ARHGAP26: variants seen among roughly 807,000 people sequenced by gnomAD.
ARHGAP26 encodes the protein rho GTPase-activating protein 26.
Under a neutral mutation model 104.8 loss-of-function variants are expected in ARHGAP26, and 38 were observed. The observed-to-expected ratio is 0.36, with a 90% CI of 0.28 to 0.48. ARHGAP26 has a LOEUF of 0.48. Ranked by LOEUF, ARHGAP26 falls within the 20% of genes least tolerant of loss-of-function variation. The probability of loss-of-function intolerance (pLI) is 0.99; values close to 1 mark genes in which losing one functional copy is unlikely to be tolerated. For missense variants in ARHGAP26, 704 were observed against 947.9 expected (o/e 0.74, Z 3.38); for synonymous variants, 341 against 340.0 (o/e 1.00, Z -0.03).
At chr5:142,948,292 C>G (rs893436737) in intron 11 of ARHGAP26, among the ~76,000 whole-genome samples, 2 of 151,998 alleles carry the variant, frequency 1.3e-5, no homozygotes, top group Non-Finnish European at 2.9e-5. Flanking sequence ...AACACTGTCT[C>G]TAGCACCAGC....
At chr5:143,151,594 T>C (rs1799850244) in intron 20 of ARHGAP26, among the ~76,000 whole-genome samples, 1 of 152,324 alleles carries the variant, frequency 6.6e-6, no homozygotes, top group Admixed American at 6.5e-5. Flanking sequence ...TATTCAATGA[T>C]TTTAAAAAGT....
rs1426538345 is a variant in ARHGAP26 at position 143,121,032 on chromosome 5, T to C, written c.1583T>C (p.Leu528Pro). Residue 528 changes from leucine (L) to proline (P), a missense_variant, in exon 18 of 23, where the codon CTT becomes CCT. By Grantham distance (98) the Leu-to-Pro change is moderately conservative. Coordinates refer to ENST00000645722, the MANE Select transcript of ARHGAP26 (RefSeq NM_001135608.3). ...HKQNLMTVAN[L>P]GVVFGPTLLR... The stretch of plus-strand genomic sequence containing the variant: ...CAGAATTTGATGACGGTGGCAAACC[T>C]TGGTGTGGTGTTTGGACCCACTCTG... 1 of 1,613,710 alleles carries C rather than the reference T, an allele frequency of 6.2e-7. No individual in the cohort carries two copies. Among genetic ancestry groups the C allele is most frequent in the Admixed American group, 1.7e-5 (1 of 60,002 alleles).
intron 14 of ARHGAP26, among the ~76,000 whole-genome samples, chr5:143,053,700 C>A (rs892168906): frequency 2.0e-5 from 3 of 152,176 alleles, no homozygotes; most frequent in Admixed American, 2.0e-4. Context: ...GTTCTCATTG[C>A]ACATTTGAGC....
At chr5:143,209,869 A>G (rs943341131) in intron 21 of ARHGAP26, among the ~76,000 whole-genome samples, 15 of 152,058 alleles carry the variant, frequency 9.9e-5, no homozygotes, top group African/African-American at 3.6e-4. Flanking sequence ...GAGCTAGCCC[A>G]TCAGAGGAAC....
At chr5:142,839,131 A>G (rs1770213646) in intron 1 of ARHGAP26, among the ~76,000 whole-genome samples, 1 of 152,246 alleles carries the variant, frequency 6.6e-6, no homozygotes, top group Non-Finnish European at 1.5e-5. Context: ...TATGTATTTT[A>G]TAAGTTTACA....
intron 11 of ARHGAP26, among the ~76,000 whole-genome samples, chr5:142,934,073 CA>C (rs1244904012): frequency 6.6e-6 from 1 of 152,156 alleles, no homozygotes; most frequent in Non-Finnish European, 1.5e-5. Context: ...ATTACAACAA[CA>C]AAAAAACCCA....
At chr5:142,779,424 GGT>G (rs10550663) in intron 1 of ARHGAP26, among the ~76,000 whole-genome samples, 39,288 of 149,426 alleles carry the variant, frequency 0.26, 9,805 homozygotes, top group African/African-American at 0.65. Context: ...GGGTTAGGGT[GGT>G]GTGTGTGTGT....
chr5:143,065,031 T>C (rs970345494), intron 17 of ARHGAP26, among the ~76,000 whole-genome samples: 2 of 152,194 alleles, frequency 1.3e-5, no homozygotes, highest in African/African-American at 4.8e-5. Context: ...GATTCATCTC[T>C]TCCTTTTCTG....
At chr5:142,981,973 T>A (rs1489816165) in intron 11 of ARHGAP26, among the ~76,000 whole-genome samples, 1 of 152,254 alleles carries the variant, frequency 6.6e-6, no homozygotes, top group Admixed American at 6.5e-5. Context: ...TTTCATTGCA[T>A]TAGTCCACTT....
intron 22 of ARHGAP26, 112 bp from the exon 23 acceptor site, chr5:143,222,246 T>TACACACACACAC (rs66463225): frequency 3.3e-5 from 16 of 479,236 alleles, no homozygotes; most frequent in Non-Finnish European, 5.1e-5. Context: ...GCTTCCTTCA[T>TACACACACACAC]ACACACACAC....
At chr5:142,922,751 C>G (rs187766878) in intron 10 of ARHGAP26, among the ~76,000 whole-genome samples, 1 of 152,172 alleles carries the variant, frequency 6.6e-6, no homozygotes, top group Non-Finnish European at 1.5e-5. Flanking sequence ...CCTACTTTTC[C>G]CTCCTGGTGC....
In ARHGAP26 at chr5:143,199,956, G is replaced by A. The variant is rs989952289; in HGVS notation, c.1989-7242G>A. Among the ~76,000 whole-genome samples the A allele has an allele frequency of 4.6e-5, 7 of 152,162 alleles. No homozygotes were observed. In the East Asian group the frequency reaches 1.3e-3, roughly 29 times the overall value. ...TCAACTAGGGGGTCTCACATCTCCA[G>A]GTTGTGGATATCTGTCTCTTTATCC... On this transcript the variant is annotated intron_variant, in intron 20 of 22. Transcript: ENST00000645722.
intron 1 of ARHGAP26, among the ~76,000 whole-genome samples, chr5:142,836,799 A>G (rs1036989996): frequency 6.6e-6 from 1 of 152,218 alleles, no homozygotes; most frequent in African/African-American, 2.4e-5. Context: ...GGCATTTTAC[A>G]GGTATTATTT....
At chr5:143,166,141 T>C (rs1352237507) in intron 20 of ARHGAP26, 10 of 1,270,016 alleles carry the variant, frequency 7.9e-6, no homozygotes, top group Non-Finnish European at 5.2e-6. Flanking sequence ...ATATCTCAAT[T>C]AAAGAATAAC....
At chr5:142,874,082 C>T (rs1339420658) in intron 2 of ARHGAP26, among the ~76,000 whole-genome samples, 1 of 152,116 alleles carries the variant, frequency 6.6e-6, no homozygotes, top group Non-Finnish European at 1.5e-5. Context: ...AGAGGAGCTC[C>T]GTATCTGGTT....
chr5:142,919,656 A>AT (rs896263096), intron 10 of ARHGAP26, among the ~76,000 whole-genome samples: 2 of 151,962 alleles, frequency 1.3e-5, no homozygotes, highest in African/African-American at 4.8e-5. Flanking sequence ...CTTTTCTTTT[A>AT]TTTTTTTACA....
chr5:143,132,694 C>T (rs246608), intron 18 of ARHGAP26, among the ~76,000 whole-genome samples: 20,452 of 152,004 alleles, frequency 0.13, 1,528 homozygotes, highest in South Asian at 0.26. Context: ...GGCAAGGACT[C>T]AGTAAACCAT....
At chr5:142,798,311 A>G (rs1209965256) in intron 1 of ARHGAP26, among the ~76,000 whole-genome samples, 1 of 152,138 alleles carries the variant, frequency 6.6e-6, no homozygotes, top group Non-Finnish European at 1.5e-5. Context: ...CTCTATCACA[A>G]GGCTGTGGTA....
At chr5:143,054,311 A>C (rs1785478349) in intron 14 of ARHGAP26, 128 bp from the exon 15 acceptor site, 2 of 588,472 alleles carry the variant, frequency 3.4e-6, no homozygotes, top group Non-Finnish European at 5.8e-6. Flanking sequence ...TAGGTAAAAA[A>C]AATACTTGTC....
Sources: gnomAD v4.1 joint callset for allele counts (sites outside exome capture counted in the v4.1 genomes callset) on GRCh38, gnomAD v4.1.1 for gene constraint, MANE v1.5 for transcripts, NCBI Gene and HGNC (gene_info 2026-07-23, HGNC 2026-07-21) for gene names.